The following ITPR1 variants were observed in gnomAD, a reference collection of about 807,000 sequenced individuals.
The protein encoded by ITPR1 is inositol 1,4,5-trisphosphate receptor type 1.
In ITPR1, 96 loss-of-function variants were observed where a neutral mutation model predicts 318.4. The ratio of observed to expected loss-of-function variants is 0.30; its 90% CI spans 0.26 to 0.36. The LOEUF is 0.36. ITPR1 is among the 10% of genes least tolerant of loss of function. The probability of loss-of-function intolerance (pLI) is 1.00; values close to 1 mark genes in which losing one functional copy is unlikely to be tolerated. For missense variants in ITPR1, 2,440 were observed against 3,460.2 expected (o/e 0.71, Z 7.40); for synonymous variants, 1,312 against 1,289.9 (o/e 1.02, Z -0.37).
At chr3:4,745,957 A>C (rs2044075851) in intron 44 of ITPR1, among the ~76,000 whole-genome samples, 1 of 151,936 alleles carries the variant, frequency 6.6e-6, no homozygotes, top group African/African-American at 2.4e-5. Context: ...ATCTGTGCCC[A>C]CTCTACCTCC....
intron 54 of ITPR1, among the ~76,000 whole-genome samples, chr3:4,805,307 C>A (rs1432584317): frequency 6.6e-6 from 1 of 152,174 alleles, no homozygotes; most frequent in Non-Finnish European, 1.5e-5. Context: ...GAGTTCACAG[C>A]TGCTCAGGTT....
chr3:4,837,886 T>C (rs1235029196), intron 61 of ITPR1, among the ~76,000 whole-genome samples: 1 of 152,168 alleles, frequency 6.6e-6, no homozygotes, highest in Non-Finnish European at 1.5e-5. Context: ...TATGTGAGTT[T>C]CTGAAAGCTC....
At chr3:4,768,394 C>G in intron 45 of ITPR1, 117 bp from the exon 46 acceptor site, 1 of 1,245,112 alleles carries the variant, frequency 8.0e-7, no homozygotes, top group South Asian at 1.8e-5. Flanking sequence ...AGTGTTTTGC[C>G]AACTTTGAAC....
At chr3:4,624,579 A>T (rs2092757443) in intron 4 of ITPR1, among the ~76,000 whole-genome samples, 1 of 151,608 alleles carries the variant, frequency 6.6e-6, no homozygotes, top group African/African-American at 2.4e-5. Flanking sequence ...CTAAGGCAGA[A>T]GAATCACTTG....
intron 4 of ITPR1, among the ~76,000 whole-genome samples, chr3:4,556,335 G>A (rs977215040): frequency 9.9e-5 from 15 of 152,180 alleles, no homozygotes; most frequent in Non-Finnish European, 1.6e-4. Context: ...CATCATTTAC[G>A]TTAAGGTTCA....
At chr3:4,723,062 C>T (rs2042274644) in intron 40 of ITPR1, among the ~76,000 whole-genome samples, 3 of 152,156 alleles carry the variant, frequency 2.0e-5, no homozygotes, top group African/African-American at 7.2e-5. Context: ...GCAGGAGAAT[C>T]GCTTGAACCC....
intron 4 of ITPR1, among the ~76,000 whole-genome samples, chr3:4,526,769 T>C (rs1186507021): frequency 6.6e-6 from 1 of 152,204 alleles, no homozygotes; most frequent in Non-Finnish European, 1.5e-5. Flanking sequence ...CTTAGAATGA[T>C]TATCATTCAT....
Position 4,795,151 on chromosome 3 carries a change from G to C in ITPR1, c.6895G>C (p.Val2299Leu). The change falls in exon 53 of 62, where the codon GTG (valine) becomes CTG (leucine). Residue 2299 changes from valine (V) to leucine (L), a missense_variant. Transcript: ENST00000649015. ...FNLAVLMNLL[V>L]AFFYPFKGVR... ...CCTGGCCGTCCTGATGAACCTGCTG[G>C]TGGCGTTTTTCTACCCGTTTAAGGG... The C allele has an allele frequency of 1.2e-6, 2 of 1,613,814 alleles. No individual in the cohort carries two copies. Among genetic ancestry groups the C allele is most frequent in the Non-Finnish European group, 1.7e-6 (2 of 1,179,838 alleles).
intron 4 of ITPR1, among the ~76,000 whole-genome samples, chr3:4,621,152 G>A (rs769374154): frequency 7.9e-5 from 12 of 151,932 alleles, no homozygotes; most frequent in Middle Eastern, 3.2e-3. Context: ...TAATGTTGTC[G>A]CACTGCTACA....
intron 4 of ITPR1, among the ~76,000 whole-genome samples, chr3:4,593,185 T>G (rs1017009486): frequency 6.6e-6 from 1 of 152,238 alleles, no homozygotes; most frequent in Non-Finnish European, 1.5e-5. Flanking sequence ...TTTTGATCAT[T>G]GCTATGGCAC....
chr3:4,803,627 A>C (rs1164572024), intron 54 of ITPR1, among the ~76,000 whole-genome samples: 1 of 152,228 alleles, frequency 6.6e-6, no homozygotes, highest in Non-Finnish European at 1.5e-5. Context: ...CATTTAAGAA[A>C]GAAATACAAA....
At chr3:4,579,224 G>A (rs1174049158) in intron 4 of ITPR1, among the ~76,000 whole-genome samples, 3 of 152,134 alleles carry the variant, frequency 2.0e-5, no homozygotes, top group African/African-American at 7.2e-5. Flanking sequence ...ATGATGAAAC[G>A]ATATTGTCCA....
intron 45 of ITPR1, 62 bp downstream of exon 45, chr3:4,766,772 T>G: frequency 7.9e-7 from 1 of 1,268,322 alleles, no homozygotes; most frequent in Non-Finnish European, 1.1e-6. Context: ...CTTGTTATCC[T>G]TCATTGTTTT....
At chr3:4,600,492 GTGTGTGTGCGTGTT>G (rs1179117088) in intron 4 of ITPR1, among the ~76,000 whole-genome samples, 2 of 151,742 alleles carry the variant, frequency 1.3e-5, no homozygotes, top group Non-Finnish European at 2.9e-5. Context: ...TTTTGTGTGT[GTGTGTGTGCGTGTT>G]TGTGTGTGTG....
At chr3:4,636,848 G>A (rs2093206582) in intron 5 of ITPR1, among the ~76,000 whole-genome samples, 2 of 152,332 alleles carry the variant, frequency 1.3e-5, no homozygotes, top group Admixed American at 1.3e-4. Context: ...CTTTAGAGCT[G>A]CTCGTGTTTA....
chr3:4,615,981 G>T (rs904481215), intron 4 of ITPR1, among the ~76,000 whole-genome samples: 8 of 152,142 alleles, frequency 5.3e-5, no homozygotes, highest in African/African-American at 1.9e-4. Context: ...CACGGTCTAT[G>T]TTTTTTGCAG....
At chr3:4,775,518 A>G in intron 47 of ITPR1, 76 bp downstream of exon 47, 1 of 1,150,770 alleles carries the variant, frequency 8.7e-7, no homozygotes, top group South Asian at 1.3e-5. Context: ...TAGTTCAGAA[A>G]TCACGAAGCC....
Position 4,775,580 on chromosome 3 carries a change from T to A in ITPR1, c.6180+138T>A, listed in dbSNP as rs2046432995. 21 of 648,904 alleles carry A rather than the reference T, an allele frequency of 3.2e-5. No homozygotes were observed. In the South Asian group the frequency reaches 4.1e-4, roughly 13 times the overall value. The allele number at this position is 648,904 out of a possible 1,614,324, so 40.2% of individuals were successfully genotyped here. A position where few individuals can be genotyped will look rare whatever the true frequency, so the allele number is the denominator to read the frequency against. On this transcript the variant is annotated intron_variant, in intron 47 of 61. Transcript: ENST00000649015. Reference sequence around the variant, plus strand: ...AGGACAGGAGGCTGTCTTCCAGCAGTTGAGAAATAGCCATGGTGTTTCATG... The same window carrying A: ...AGGACAGGAGGCTGTCTTCCAGCAGATGAGAAATAGCCATGGTGTTTCATG...
intron 36 of ITPR1, among the ~76,000 whole-genome samples, chr3:4,704,615 C>CTTGT (rs1389953851): frequency 6.6e-6 from 1 of 152,090 alleles, no homozygotes; most frequent in African/African-American, 2.4e-5. Flanking sequence ...GGAGGAAGCC[C>CTTGT]TTGCCACAGA....
Sources: gnomAD v4.1 joint callset for allele counts (sites outside exome capture counted in the v4.1 genomes callset) on GRCh38, gnomAD v4.1.1 for gene constraint, MANE v1.5 for transcripts, NCBI Gene and HGNC (gene_info 2026-07-23, HGNC 2026-07-21) for gene names.